The following GLIS3 variants were observed in gnomAD, a reference collection of about 807,000 sequenced individuals.
GLIS3 encodes zinc finger protein GLIS3.
In GLIS3, 53 loss-of-function variants were observed where a neutral mutation model predicts 78.6. The ratio of observed to expected loss-of-function variants is 0.67; its 90% CI spans 0.54 to 0.85. The LOEUF is 0.85. GLIS3 is among the 40% of genes least tolerant of loss of function. The pLI, the probability that GLIS3 is intolerant of heterozygous loss-of-function variation, is 0.00. For missense variants in GLIS3, 1,703 were observed against 1,231.1 expected (o/e 1.38, Z -5.74); for synonymous variants, 684 against 509.9 (o/e 1.34, Z -4.60).
chr9:4,438,924 T>A, the GLIS3 span, among the ~76,000 whole-genome samples: 7 of 152,210 alleles, frequency 4.6e-5, no homozygotes, highest in Non-Finnish European at 1.0e-4. Flanking sequence ...GAGAACAGAC[T>A]AATACACATG....
chr9:4,481,975 A>G, the GLIS3 span, among the ~76,000 whole-genome samples: 1 of 152,226 alleles, frequency 6.6e-6, no homozygotes, highest in African/African-American at 2.4e-5. Context: ...GTATGTCAAA[A>G]TATCTTTACC....
At chr9:3,922,919 A>T (rs1191067580) in intron 6 of GLIS3, among the ~76,000 whole-genome samples, 1 of 152,202 alleles carries the variant, frequency 6.6e-6, no homozygotes, top group African/African-American at 2.4e-5. Context: ...GAAGGAAGTC[A>T]GTTGGAGTTA....
chr9:4,414,249 A>T, the GLIS3 span, among the ~76,000 whole-genome samples: 2 of 152,338 alleles, frequency 1.3e-5, no homozygotes, highest in East Asian at 3.9e-4. Flanking sequence ...CAGATTTTAG[A>T]TTAGATAATC....
At chr9:4,117,238 C>T (rs1169987358) in intron 4 of GLIS3, among the ~76,000 whole-genome samples, 1 of 152,210 alleles carries the variant, frequency 6.6e-6, no homozygotes, top group Non-Finnish European at 1.5e-5. Flanking sequence ...GCTAGTCTCT[C>T]AACCCTGGAA....
chr9:4,176,913 C>A (rs967578382), intron 2 of GLIS3, among the ~76,000 whole-genome samples: 4 of 152,258 alleles, frequency 2.6e-5, no homozygotes, highest in Admixed American at 2.0e-4. Flanking sequence ...CGTAAGCCAC[C>A]ATGCCCGGCC....
At chr9:4,326,024 GT>G (rs1817592849) in intron 2 of GLIS3, among the ~76,000 whole-genome samples, 1 of 152,150 alleles carries the variant, frequency 6.6e-6, no homozygotes, top group African/African-American at 2.4e-5. Flanking sequence ...AGTACACACT[GT>G]GGGGAACAAC....
the GLIS3 span, among the ~76,000 whole-genome samples, chr9:4,487,149 G>A: frequency 2.0e-5 from 3 of 152,064 alleles, no homozygotes; most frequent in Non-Finnish European, 1.5e-5. Context: ...ACAGGCACCC[G>A]CCACCACGCC....
At chr9:4,107,169 T>C (rs977550384) in intron 4 of GLIS3, among the ~76,000 whole-genome samples, 1 of 152,210 alleles carries the variant, frequency 6.6e-6, no homozygotes, top group Non-Finnish European at 1.5e-5. Context: ...GATTGAAATG[T>C]GTTTTCTTTT....
intron 4 of GLIS3, among the ~76,000 whole-genome samples, chr9:4,067,211 A>G (rs185981933): frequency 7.2e-4 from 110 of 151,830 alleles, no homozygotes; most frequent in Non-Finnish European, 1.3e-3. Context: ...TTATATTAAA[A>G]TTCTTTATAT....
At chr9:4,290,671 C>T (rs1227683582) in intron 1 of GLIS3, among the ~76,000 whole-genome samples, 1 of 152,098 alleles carries the variant, frequency 6.6e-6, no homozygotes, top group East Asian at 1.9e-4. Context: ...CAGAATGTCC[C>T]TTGTCCTAAC....
intron 2 of GLIS3, among the ~76,000 whole-genome samples, chr9:4,225,517 G>T (rs1419889452): frequency 1.3e-5 from 2 of 152,126 alleles, no homozygotes; most frequent in African/African-American, 4.8e-5. Context: ...CTTTAATGTG[G>T]TCTGCTAAAG....
chr9:4,008,721 G>C (rs539795281), intron 4 of GLIS3, among the ~76,000 whole-genome samples: 1 of 152,234 alleles, frequency 6.6e-6, no homozygotes, highest in Admixed American at 6.5e-5. Context: ...CACAGGCTGG[G>C]AATCTGGAGG....
chr9:4,306,582 G>A (rs1817234002), intron 4 of GLIS3, among the ~76,000 whole-genome samples: 1 of 152,112 alleles, frequency 6.6e-6, no homozygotes, highest in African/African-American at 2.4e-5. Context: ...AATTCCTACT[G>A]AAATAGGATT....
rs762977593 is a variant in GLIS3 at position 3,856,010 on chromosome 9, A to G, written c.2472T>C (p.His824=). Residue 824 remains histidine (H), a splice_region_variant and synonymous_variant, in exon 9 of 11, where the codon CAT becomes CAC. Coordinates refer to ENST00000381971, the MANE Select transcript of GLIS3 (RefSeq NM_001042413.2). Reference sequence around the variant, plus strand: ...AGGGACTGCCAGCTTCTTGCTTACCATGGACATGGATACCATTTGGTTGAA... The same window carrying G: ...AGGGACTGCCAGCTTCTTGCTTACCGTGGACATGGATACCATTTGGTTGAA... ...SSFQPNGIHV[H]GFYGQLQKFC... is the part of the protein sequence containing the mutation. The G allele has an allele frequency of 6.2e-7, 1 of 1,614,140 alleles. No homozygotes were observed. The highest frequency in any genetic ancestry group is 1.1e-5 in the South Asian group (1 of 91,082).
intron 2 of GLIS3, among the ~76,000 whole-genome samples, chr9:4,212,741 G>A (rs1820484532): frequency 6.6e-6 from 1 of 152,208 alleles, no homozygotes; most frequent in African/African-American, 2.4e-5. Flanking sequence ...TAGAACATGT[G>A]AGGAACGGAT....
chr9:4,385,076 T>C, the GLIS3 span, among the ~76,000 whole-genome samples: 5 of 152,194 alleles, frequency 3.3e-5, no homozygotes, highest in African/African-American at 9.6e-5. Flanking sequence ...TTGAAGTGTG[T>C]TTTGAATTTC....
chr9:4,009,632 G>A (rs974543643), intron 4 of GLIS3, among the ~76,000 whole-genome samples: 10 of 152,314 alleles, frequency 6.6e-5, no homozygotes, highest in South Asian at 6.2e-4. Flanking sequence ...TCTGTGTTAC[G>A]TTTGGCAGAA....
chr9:4,331,961 A>C (rs1325230808), intron 2 of GLIS3, among the ~76,000 whole-genome samples: 1 of 152,342 alleles, frequency 6.6e-6, no homozygotes, highest in South Asian at 2.1e-4. Context: ...AGGGAGACTA[A>C]AGCATGAGCC....
At chr9:4,249,130 A>C (rs953662047) in intron 2 of GLIS3, among the ~76,000 whole-genome samples, 1 of 152,150 alleles carries the variant, frequency 6.6e-6, no homozygotes, top group Non-Finnish European at 1.5e-5. Context: ...TTGGTTCCAT[A>C]TGAAATTTAA....
Sources: allele counts gnomAD v4.1 joint callset (sites outside exome capture counted in the v4.1 genomes callset), GRCh38; gene constraint gnomAD v4.1.1; transcripts MANE v1.5; gene names NCBI Gene and HGNC (gene_info 2026-07-23, HGNC 2026-07-21).